The following PRKCA variants were observed in gnomAD, a reference collection of about 807,000 sequenced individuals.
PRKCA encodes protein kinase C alpha type.
Under a neutral mutation model 87.0 loss-of-function variants are expected in PRKCA, and 27 were observed. The ratio of observed to expected loss-of-function variants is 0.31; its 90% CI spans 0.23 to 0.43. PRKCA has a LOEUF of 0.43. PRKCA is among the 20% of genes least tolerant of loss of function. The pLI is 1.00. For synonymous variants in PRKCA, 329 were observed against 311.1 expected, an observed-to-expected ratio of 1.06 and a Z score of -0.61; for missense variants, 518 against 852.3, an observed-to-expected ratio of 0.61 and a Z score of 4.88.
chr17:66,328,302 C>T (rs538465662), intron 2 of PRKCA, among the ~76,000 whole-genome samples: 8 of 152,174 alleles, frequency 5.3e-5, no homozygotes, highest in Middle Eastern at 3.4e-3. Context: ...AACTCCTGGC[C>T]TCAAGCTATG....
Position 66,747,855 on chromosome 17 carries a change from C to T in PRKCA, c.1524+5095C>T, listed in dbSNP as rs917857262. ...GCCACACGCAAGCCCCTCCCCAGCA[C>T]GTGGGCATCGATCTGTTGGCATATT... On this transcript the variant is annotated intron_variant, in intron 13 of 16. Transcript: ENST00000413366. Among the ~76,000 whole-genome samples, 4 of 152,204 alleles carry T rather than the reference C, an allele frequency of 2.6e-5. No individual in the cohort carries two copies. In the South Asian group the frequency reaches 6.2e-4, roughly 24 times the overall value.
At chr17:66,423,068 G>A (rs367808589) in intron 2 of PRKCA, among the ~76,000 whole-genome samples, 4 of 152,112 alleles carry the variant, frequency 2.6e-5, no homozygotes, top group Admixed American at 6.5e-5. Context: ...CCCAGATCAC[G>A]CCATTGCACT....
intron 3 of PRKCA, among the ~76,000 whole-genome samples, chr17:66,530,029 A>G (rs16959531): frequency 0.057 from 8,752 of 152,254 alleles, 831 homozygotes; most frequent in African/African-American, 0.2. Flanking sequence ...GAACCACGTT[A>G]GCTTTGGATT....
intron 2 of PRKCA, among the ~76,000 whole-genome samples, chr17:66,419,432 T>A (rs2143784223): frequency 6.6e-6 from 1 of 152,356 alleles, no homozygotes; most frequent in South Asian, 2.1e-4. Flanking sequence ...GGTTATATGT[T>A]CTTTAATTAT....
At chr17:66,332,591 G>A (rs4513134) in intron 2 of PRKCA, among the ~76,000 whole-genome samples, 18,146 of 152,066 alleles carry the variant, frequency 0.12, 1,247 homozygotes, top group South Asian at 0.25. Context: ...TGCAGAGGGA[G>A]GGGCACGTTA....
At chr17:66,733,273 G>A (rs61762454) in intron 9 of PRKCA, among the ~76,000 whole-genome samples, 9,344 of 152,118 alleles carry the variant, frequency 0.061, 641 homozygotes, top group African/African-American at 0.16. Context: ...ATAAAAGAAA[G>A]TCTATGGTGT....
At chr17:66,392,099 G>A (rs1910394990) in intron 2 of PRKCA, among the ~76,000 whole-genome samples, 1 of 152,142 alleles carries the variant, frequency 6.6e-6, no homozygotes, top group Non-Finnish European at 1.5e-5. Context: ...GTGTGATGGC[G>A]AGCGCCTGTA....
intron 5 of PRKCA, among the ~76,000 whole-genome samples, chr17:66,672,050 A>G (rs2143954668): frequency 6.6e-6 from 1 of 152,356 alleles, no homozygotes; most frequent in African/African-American, 2.4e-5. Context: ...AAAATAATTA[A>G]AACTTAGGTG....
At chr17:66,722,331 T>C (rs1973635229) in intron 8 of PRKCA, among the ~76,000 whole-genome samples, 1 of 152,200 alleles carries the variant, frequency 6.6e-6, no homozygotes, top group Non-Finnish European at 1.5e-5. Context: ...TCTCCAGCCA[T>C]CCAGCCCCTC....
intron 2 of PRKCA, among the ~76,000 whole-genome samples, chr17:66,357,211 C>T (rs913281701): frequency 6.6e-6 from 1 of 152,132 alleles, no homozygotes; most frequent in Non-Finnish European, 1.5e-5. Flanking sequence ...GGTATAGGAA[C>T]TGGTGGAAGG....
chr17:66,317,297 G>A (rs528833461), intron 2 of PRKCA, among the ~76,000 whole-genome samples: 1 of 152,188 alleles, frequency 6.6e-6, no homozygotes, highest in African/African-American at 2.4e-5. Flanking sequence ...AGAAACCTTG[G>A]TAAGGAAAGG....
chr17:66,635,778 G>A lies in PRKCA; in HGVS notation c.289-5577G>A, dbSNP rs140808457. Among the ~76,000 whole-genome samples, 716 of 152,230 alleles carry A rather than the reference G, an allele frequency of 4.7e-3. 2 individuals are homozygous for A. Among genetic ancestry groups the A allele is most frequent in the Middle Eastern group, 0.01 (3 of 294 alleles). On this transcript the variant is annotated intron_variant, in intron 3 of 16. Coordinates refer to ENST00000413366, the MANE Select transcript of PRKCA (RefSeq NM_002737.3). Reference sequence around the variant, plus strand: ...CATTGGAATTATGCATGTAAAATCTGATGAAACCCTAAACTCTGTAGTTTA... The same window carrying A: ...CATTGGAATTATGCATGTAAAATCTAATGAAACCCTAAACTCTGTAGTTTA...
chr17:66,587,121 G>A lies in PRKCA; in HGVS notation c.289-54234G>A, dbSNP rs192890085. On this transcript the variant is annotated intron_variant, in intron 3 of 16. Transcript: ENST00000413366. The stretch of plus-strand genomic sequence containing the variant: ...AGGTCTGGGGCCATGGATGTTGAAC[G>A]TGATAGTATGTTTCCTGGTATCACT... Among the ~76,000 whole-genome samples the A allele has an allele frequency of 6.7e-3, 1,022 of 152,296 alleles. 39 individuals carry two copies. Among genetic ancestry groups the A allele is most frequent in the Admixed American group, 0.059 (896 of 15,288 alleles).
chr17:66,762,654 CT>C (rs1974710328), intron 13 of PRKCA, among the ~76,000 whole-genome samples: 1 of 152,178 alleles, frequency 6.6e-6, no homozygotes, highest in Non-Finnish European at 1.5e-5. Flanking sequence ...TGTTCTGATG[CT>C]TTAGAAAGAG....
At chr17:66,603,323 T>C (rs9896134) in intron 3 of PRKCA, among the ~76,000 whole-genome samples, 52,626 of 152,052 alleles carry the variant, frequency 0.35, 10,358 homozygotes, top group African/African-American at 0.54. Flanking sequence ...TCATCGCAGA[T>C]GCTTCATGTG....
chr17:66,572,104 A>G (rs1969095716), intron 3 of PRKCA, among the ~76,000 whole-genome samples: 1 of 152,190 alleles, frequency 6.6e-6, no homozygotes, highest in South Asian at 2.1e-4. Context: ...TAATACCTCT[A>G]GATGCTGATA....
chr17:66,581,607 C>G (rs1969434982), intron 3 of PRKCA, among the ~76,000 whole-genome samples: 1 of 152,164 alleles, frequency 6.6e-6, no homozygotes, highest in East Asian at 1.9e-4. Flanking sequence ...TCCCATGTAG[C>G]TGGGACTACA....
In PRKCA at chr17:66,554,239, G is replaced by GA. The variant is rs11290369; in HGVS notation, c.288+57970dup. Among the ~76,000 whole-genome samples the GA allele has an allele frequency of 9.2e-3, 1,273 of 138,638 alleles. 16 individuals are homozygous for GA. The highest frequency in any genetic ancestry group is 0.022 in the African/African-American group (834 of 38,338). 91.0% of individuals were successfully genotyped at this position (138,638 alleles called of 152,430 possible). A position where few individuals can be genotyped will look rare whatever the true frequency, so the allele number is the denominator to read the frequency against. ...CAACATCGTGTGACCCCGTCTCTAT[G>GA]AAAAAAAAAAAAAACGAGAGAAAAA... On this transcript the variant is annotated intron_variant, in intron 3 of 16. Transcript: ENST00000413366.
chr17:66,409,304 G>A (rs188865109), intron 2 of PRKCA, among the ~76,000 whole-genome samples: 3 of 152,178 alleles, frequency 2.0e-5, no homozygotes, highest in Admixed American at 2.0e-4. Context: ...AGGCCTTAGG[G>A]GGTACCATGT....
Sources: allele counts gnomAD v4.1 joint callset (sites outside exome capture counted in the v4.1 genomes callset), GRCh38; gene constraint gnomAD v4.1.1; transcripts MANE v1.5; gene names NCBI Gene and HGNC (gene_info 2026-07-23, HGNC 2026-07-21).